The following COBL variants were observed in gnomAD, a reference collection of about 807,000 sequenced individuals.
The protein encoded by COBL is protein cordon-bleu.
COBL carries 51 observed loss-of-function variants against 98.8 expected under a neutral mutation model. The observed-to-expected ratio is 0.52, with a 90% CI of 0.41 to 0.65. The LOEUF (loss-of-function observed/expected upper bound fraction) is 0.65, where lower values mean the gene tolerates loss of function less well. Among genes scored for constraint, COBL ranks in the 30% least tolerant of loss-of-function variants. COBL has a pLI of 0.00. For missense variants in COBL, 1,617 were observed against 1,617.5 expected, an observed-to-expected ratio of 1.00 and a Z score of 0.01; for synonymous variants, 634 against 651.7, an observed-to-expected ratio of 0.97 and a Z score of 0.41.
chr7:51,114,235 C>T (rs1797084683), intron 6 of COBL, among the ~76,000 whole-genome samples: 1 of 151,990 alleles, frequency 6.6e-6, no homozygotes, highest in Non-Finnish European at 1.5e-5. Flanking sequence ...AGCAGAACCC[C>T]CAGGGATGAC....
At chr7:51,173,825 C>T (rs1288036628) in intron 5 of COBL, among the ~76,000 whole-genome samples, 1 of 151,976 alleles carries the variant, frequency 6.6e-6, no homozygotes, top group African/African-American at 2.4e-5. Context: ...AGCTTTAAAA[C>T]AAAAAAGATA....
At chr7:51,083,378 C>A in intron 7 of COBL, 1 of 584,276 alleles carries the variant, frequency 1.7e-6, no homozygotes, top group Non-Finnish European at 2.9e-6. Flanking sequence ...ATATCCAGCA[C>A]CTAATCCATT....
At chr7:51,064,931 T>C (rs985731746) in intron 7 of COBL, 8 of 579,500 alleles carry the variant, frequency 1.4e-5, no homozygotes, top group Middle Eastern at 4.6e-4. Flanking sequence ...CGGTCTGTGG[T>C]GACGGGTTCA....
chr7:51,271,890 AT>A (rs1798795892), intron 1 of COBL, among the ~76,000 whole-genome samples: 1 of 152,148 alleles, frequency 6.6e-6, no homozygotes, highest in South Asian at 2.1e-4. Context: ...AATTATGGGC[AT>A]GGTGGCGTGT....
intron 7 of COBL, among the ~76,000 whole-genome samples, chr7:51,081,752 C>T (rs1471537536): frequency 6.6e-6 from 1 of 152,132 alleles, no homozygotes; most frequent in Non-Finnish European, 1.5e-5. Flanking sequence ...CTATCTTTCC[C>T]TCACTTTTTC....
chr7:51,316,662 C>A lies in COBL; in HGVS notation c.-29G>T. The A allele has an allele frequency of 8.4e-7, 1 of 1,191,610 alleles. No homozygotes were observed. The highest frequency in any genetic ancestry group is 3.2e-4 in the Middle Eastern group (1 of 3,158). The allele number at this position is 1,191,610 out of a possible 1,614,324, so 73.8% of individuals were successfully genotyped here. Reference sequence around the variant, plus strand: ...GCCGGGGGCCGGGACGCGGGCGGTGCTCCGGGCCCGCCGAGTCAGGCGCTG... The same window carrying A: ...GCCGGGGGCCGGGACGCGGGCGGTGATCCGGGCCCGCCGAGTCAGGCGCTG... On this transcript the variant is annotated 5_prime_UTR_variant, in exon 1 of 13. Transcript: ENST00000265136.
At chr7:51,242,444 C>T (rs1025343298) in intron 1 of COBL, among the ~76,000 whole-genome samples, 2 of 152,166 alleles carry the variant, frequency 1.3e-5, no homozygotes, top group African/African-American at 2.4e-5. Flanking sequence ...CAATTCTTTG[C>T]TCAAGACACA....
chr7:51,025,029 C>T (rs910209936), intron 12 of COBL, 80 bp downstream of exon 12: 1 of 1,589,246 alleles, frequency 6.3e-7, no homozygotes, highest in Non-Finnish European at 8.6e-7. Context: ...CTCCTGCCCA[C>T]AGGCAAGCGT....
At chr7:51,267,512 G>A (rs1391906791) in intron 1 of COBL, among the ~76,000 whole-genome samples, 2 of 151,886 alleles carry the variant, frequency 1.3e-5, no homozygotes, top group African/African-American at 4.8e-5. Context: ...TATATTGAGA[G>A]TATATTATAC....
chr7:51,275,658 C>G (rs1490477759), intron 1 of COBL, among the ~76,000 whole-genome samples: 3 of 152,116 alleles, frequency 2.0e-5, no homozygotes, highest in Non-Finnish European at 4.4e-5. Context: ...CCACCAACCA[C>G]CACCAGCCGC....
chr7:51,054,246 C>T (rs1195794557), intron 7 of COBL, among the ~76,000 whole-genome samples: 3 of 151,450 alleles, frequency 2.0e-5, no homozygotes, highest in African/African-American at 7.3e-5. Flanking sequence ...CTTTTTTTTT[C>T]TTTTCACATA....
At chr7:51,040,349 T>A (rs1424674702) in intron 8 of COBL, among the ~76,000 whole-genome samples, 3 of 152,006 alleles carry the variant, frequency 2.0e-5, no homozygotes, top group Non-Finnish European at 4.4e-5. Flanking sequence ...TAACCCAGCA[T>A]CACAGACAGG....
In COBL at chr7:51,054,916, C is replaced by G. The variant is rs149974886; in HGVS notation, c.1097-11224G>C. ...AACATCGTTTCCTTTCCACAGCCTT[C>G]CTCGTTTCAGCAGAGAAGGTGGTCC... On this transcript the variant is annotated intron_variant, in intron 7 of 12. Coordinates refer to ENST00000265136, the MANE Select transcript of COBL (RefSeq NM_015198.5). 3.3e-3 allele frequency among the ~76,000 whole-genome samples: 497 copies of G among 152,284 alleles called. 4 individuals are homozygous for G. The highest frequency in any genetic ancestry group is 0.011 in the African/African-American group (475 of 41,566).
intron 1 of COBL, among the ~76,000 whole-genome samples, chr7:51,232,110 T>C (rs1458818729): frequency 6.6e-6 from 1 of 152,178 alleles, no homozygotes; most frequent in Non-Finnish European, 1.5e-5. Context: ...CTGAGTGCTA[T>C]GGGCTGCCAA....
rs774572904 is a variant in COBL, at chr7:51,030,920, C to A, written c.1407-11G>T. On this transcript the variant is annotated splice_polypyrimidine_tract_variant and intron_variant, in intron 8 of 12. Coordinates refer to ENST00000265136, the MANE Select transcript of COBL (RefSeq NM_015198.5). ...ACAGCTTTTTCAGTTCTAGGGAAGA[C>A]CAAAGAGAAAGGAGCACTCATTTCT... 1.9e-5 allele frequency: 29 copies of A among 1,550,114 alleles called. No homozygotes were observed. The highest frequency in any genetic ancestry group is 2.6e-5 in the Non-Finnish European group (29 of 1,123,170).
intron 12 of COBL, chr7:51,018,244 GTGGTGACGATGGTGGTGGTGGTGGTGA>G (rs1786491748): frequency 6.6e-6 from 1 of 150,790 alleles, no homozygotes; most frequent in Non-Finnish European, 1.5e-5. Context: ...GGTAACTGTG[GTGGTGACGATGGTGGTGGTGGTGGTGA>G]TGGTGATGGT....
intron 6 of COBL, among the ~76,000 whole-genome samples, chr7:51,115,034 G>C (rs1797149368): frequency 6.6e-6 from 1 of 152,128 alleles, no homozygotes. Context: ...CAAATGGTAA[G>C]TTGCATTTTT....
chr7:51,293,523 G>C (rs951691583), intron 1 of COBL, among the ~76,000 whole-genome samples: 4 of 152,192 alleles, frequency 2.6e-5, no homozygotes, highest in African/African-American at 9.7e-5. Context: ...TGGTTGAGGG[G>C]CGCAGGAGAG....
chr7:51,091,812 T>C (rs1024616580), intron 6 of COBL, among the ~76,000 whole-genome samples: 2 of 152,166 alleles, frequency 1.3e-5, no homozygotes, highest in African/African-American at 4.8e-5. Context: ...GGGAGTCTTA[T>C]AATATTATCA....
Sources: gnomAD v4.1 joint callset for allele counts (sites outside exome capture counted in the v4.1 genomes callset) on GRCh38, gnomAD v4.1.1 for gene constraint, MANE v1.5 for transcripts, NCBI Gene and HGNC (gene_info 2026-07-23, HGNC 2026-07-21) for gene names.